The following ASIC4 variants were observed in gnomAD, a reference collection of about 807,000 sequenced individuals.
ASIC4 encodes acid sensing ion channel subunit family member 4, also known as acid-sensing ion channel 4.
In ASIC4, 28 loss-of-function variants were observed where a neutral mutation model predicts 53.4. The ratio of observed to expected loss-of-function variants is 0.52; its 90% confidence interval spans 0.39 to 0.72. The LOEUF (loss-of-function observed/expected upper bound fraction) is 0.72. Among genes scored for constraint, ASIC4 ranks in the 30% least tolerant of loss-of-function variants. The pLI is 0.00. For missense variants in ASIC4, 649 were observed against 729.7 expected, an observed-to-expected ratio of 0.89 and a Z score of 1.27; for synonymous variants, 289 against 301.4, an observed-to-expected ratio of 0.96 and a Z score of 0.43.
At chr2:219,511,441 T>C (rs1412816460), upstream of ASIC4, among the ~76,000 whole-genome samples, 1 of 147,840 alleles carries the variant, frequency 6.8e-6, no homozygotes, top group African/African-American at 2.5e-5. The surrounding 1 kb of genome is among the most constrained non-coding windows in gnomAD (Gnocchi z 5.3). Flanking sequence ...CCAGTCCATC[T>C]ACCACTCATT....
At position 219,519,149 on chromosome 2, in the gene ASIC4, C is replaced by T. The variant is rs1223116753; in HGVS notation, c.582+3843C>T. ...TCGATCTCCTGACCTCGTGATCCGC[C>T]CGCCTTGGCCTCCCAAAGTGCTGGG... On this transcript the variant is annotated intron_variant, in intron 1 of 9. Transcript: ENST00000358078. Among the ~76,000 whole-genome samples, 7 of 152,162 alleles carry T rather than the reference C, an allele frequency of 4.6e-5. 1 individual carries two copies. The highest frequency in any genetic ancestry group is 1.0e-4 in the Non-Finnish European group (7 of 68,036).
intron 1 of ASIC4, among the ~76,000 whole-genome samples, chr2:219,525,737 C>T (rs980406248): frequency 3.3e-5 from 5 of 152,200 alleles, no homozygotes; most frequent in Non-Finnish European, 1.5e-5. Context: ...AGCTGTTCCA[C>T]CCCAGGGTGC....
In ASIC4 at chr2:219,526,493, C is replaced by A. The variant is rs140568353; in HGVS notation, c.583-5265C>A. 6.8e-3 allele frequency among the ~76,000 whole-genome samples: 1,039 copies of A among 152,188 alleles called. 6 individuals are homozygous for A. Among genetic ancestry groups the A allele is most frequent in the Non-Finnish European group, 0.011 (732 of 68,004 alleles). ...CAAAAAGGTCAGGGGGCATCCAGGA[C>A]AATGGGAGAGAAAGAGGCCAAGGGG... is the stretch of plus-strand genomic sequence containing the variant. On this transcript the variant is annotated intron_variant, in intron 1 of 9. Transcript: ENST00000358078.
Position 219,517,038 on chromosome 2 carries a change from T to A in ASIC4, c.582+1732T>A, listed in dbSNP as rs1207205975. 1 of 152,240 alleles carries A rather than the reference T, an allele frequency of 6.6e-6. No homozygotes were observed. The highest frequency in any genetic ancestry group is 1.5e-5 in the Non-Finnish European group (1 of 68,112). 9.4% of individuals were successfully genotyped at this position (152,240 alleles called of 1,614,324 possible). The stretch of plus-strand genomic sequence containing the variant: ...GTATTGGGAGCTGGGCAGAGCTCAG[T>A]CTTAGCAGGTGCTGTTGGGACAGAA... On this transcript the variant is annotated intron_variant, in intron 1 of 9. Coordinates refer to ENST00000358078, the MANE Select transcript of ASIC4 (RefSeq NM_018674.6). The surrounding 1 kb of genome is among the most constrained non-coding windows in gnomAD (Gnocchi z 4.2).
intron 4 of ASIC4, 192 bp downstream of exon 4, chr2:219,532,669 C>T: frequency 1.2e-6 from 1 of 864,272 alleles, no homozygotes; most frequent in Non-Finnish European, 1.7e-6. Context: ...TGCCGGCATG[C>T]AGATGCCTGT....
chr2:219,535,683 C>T (rs34965338), intron 6 of ASIC4, among the ~76,000 whole-genome samples: 29,913 of 151,344 alleles, frequency 0.2, 3,520 homozygotes, highest in Non-Finnish European at 0.26. Context: ...CCTCAACAGG[C>T]GCTGGGCATG....
At chr2:219,511,694 G>C (rs1694703620), upstream of ASIC4, among the ~76,000 whole-genome samples, 2 of 151,726 alleles carry the variant, frequency 1.3e-5, no homozygotes, top group Non-Finnish European at 2.9e-5. The surrounding 1 kb of genome is among the most constrained non-coding windows in gnomAD (Gnocchi z 5.3). Flanking sequence ...ACTGCAAGGG[G>C]CAGCTGGTCC....
rs1409771892 is a variant in ASIC4, at chr2:219,537,971, G to A, written c.1545G>A (p.Gly515=). 2 of 1,612,670 alleles carry A rather than the reference G, an allele frequency of 1.2e-6. No individual in the cohort carries two copies. Among genetic ancestry groups the A allele is most frequent in the South Asian group, 2.2e-5 (2 of 90,730 alleles). Residue 515 remains glycine, a synonymous_variant, in exon 10 of 10, where the codon GGG becomes GGA. Coordinates refer to ENST00000358078, the MANE Select transcript of ASIC4 (RefSeq NM_018674.6). This position sits in a 1 kb window ranked among gnomAD's most constrained non-coding sequence, Gnocchi z 4.9. ...CPSRGRVEGG[G]VSSLLPNHHH... ...GCCGGGGCCGAGTGGAGGGTGGGGG[G>A]GTCAGCAGTCTGCTCCCCAATCACC...
In ASIC4 at chr2:219,537,276, G is replaced by A. The variant is rs146515175; in HGVS notation, c.1356G>A (p.Gly452=). ...DLGGQMGLFI[G]ASILTLLEIL... Reference sequence around the variant, plus strand: ...GGGGACAGATGGGCCTGTTCATTGGGGCCAGCATCCTCACGTTGCTGGAGA... The same window carrying A: ...GGGGACAGATGGGCCTGTTCATTGGAGCCAGCATCCTCACGTTGCTGGAGA... The change falls in exon 8 of 10, where the codon GGG becomes GGA. Residue 452 remains glycine, a synonymous_variant. Coordinates refer to ENST00000358078, the MANE Select transcript of ASIC4 (RefSeq NM_018674.6). This position sits in a 1 kb window ranked among gnomAD's most constrained non-coding sequence, Gnocchi z 4.9. 6.2e-5 allele frequency: 100 copies of A among 1,613,776 alleles called. No individual in the cohort carries two copies. Among genetic ancestry groups the A allele is most frequent in the Admixed American group, 1.8e-4 (11 of 59,958 alleles).
intron 1 of ASIC4, among the ~76,000 whole-genome samples, 198 bp from the exon 2 acceptor site, chr2:219,531,560 G>A (rs762889775): frequency 6.6e-6 from 1 of 152,310 alleles, no homozygotes; most frequent in African/African-American, 2.4e-5. Context: ...GGTTGGAGAT[G>A]CTTTCTAATC....
chr2:219,531,810 C>A lies in ASIC4; in HGVS notation c.635C>A (p.Ser212Ter). 1 of 1,613,492 alleles carries A rather than the reference C, an allele frequency of 6.2e-7. No homozygotes were observed. The highest frequency in any genetic ancestry group is 1.1e-5 in the South Asian group (1 of 90,960). ...ACCTTCAACGCGGACCCGCGGAGCT[C>A]GCTGCCCAGCCGGGCAGGGGGCATG... ...CYTFNADPRS[S>*]LPSRAGGMGS... Residue 212 changes from serine (S) to a stop codon, truncating the protein, a stop_gained, in exon 2 of 10, where the codon TCG (serine) becomes TAG (stop). Coordinates refer to ENST00000358078, the MANE Select transcript of ASIC4 (RefSeq NM_018674.6). LOFTEE classifies it high-confidence loss of function.
chr2:219,535,274 C>G lies in ASIC4; in HGVS notation c.1179C>G (p.Gly393=), dbSNP rs1001192475. The change falls in exon 6 of 10, where the codon GGC becomes GGG. Residue 393 remains glycine, a synonymous_variant. Coordinates refer to ENST00000358078, the MANE Select transcript of ASIC4 (RefSeq NM_018674.6). ...EISMVRIPNR[G]SARYLARKYN... ...CCATGGTCAGGATCCCCAACAGGGG[C>G]TCAGCCCGGTACCTGGCGAGGAAGT... is the stretch of plus-strand genomic sequence containing the variant. 5 of 1,613,706 alleles carry G rather than the reference C, an allele frequency of 3.1e-6. No individual in the cohort carries two copies. The highest frequency in any genetic ancestry group is 4.2e-6 in the Non-Finnish European group (5 of 1,179,940).
At chr2:219,520,806 G>A (rs1213581983) in intron 1 of ASIC4, among the ~76,000 whole-genome samples, 9 of 152,164 alleles carry the variant, frequency 5.9e-5, no homozygotes, top group Non-Finnish European at 4.4e-5. Flanking sequence ...GGTTGGGGTG[G>A]GGGGATACAG....
At chr2:219,515,375 C>T in intron 1 of ASIC4, 69 bp downstream of exon 1, 1 of 1,537,454 alleles carries the variant, frequency 6.5e-7, no homozygotes, top group African/African-American at 1.4e-5. Context: ...GGAGTGGTGG[C>T]AGTGGTGTAC....
In ASIC4 at chr2:219,522,816, G is replaced by C. The variant is rs575267127; in HGVS notation, c.582+7510G>C. Among the ~76,000 whole-genome samples the C allele has an allele frequency of 5.9e-5, 9 of 152,276 alleles. No homozygotes were observed. The East Asian group carries it at 1.7e-3, about 29-fold the overall frequency. ...CGCTGCTGTGTGCGGAGGTCACTTT[G>C]CCGAGGAGCCGGGAGCCGGGGGAAT... On this transcript the variant is annotated intron_variant, in intron 1 of 9. Coordinates refer to ENST00000358078, the MANE Select transcript of ASIC4 (RefSeq NM_018674.6).
chr2:219,525,051 A>ACATCTGAG (rs1293619977), intron 1 of ASIC4, among the ~76,000 whole-genome samples: 3 of 152,218 alleles, frequency 2.0e-5, no homozygotes, highest in African/African-American at 7.2e-5. Flanking sequence ...GTTTAATCAC[A>ACATCTGAG]CATCTGAGGT....
chr2:219,514,991 C>T lies in ASIC4; in HGVS notation c.267C>T (p.Ala89=). The part of the protein sequence containing the change: ...AAFLYQAAGL[A]RGYLTRPHLV... The stretch of plus-strand genomic sequence containing the variant: ...TCCTGTACCAGGCGGCTGGCCTGGC[C>T]CGGGGCTACCTGACCCGGCCTCACC... Residue 89 remains alanine, a synonymous_variant, in exon 1 of 10, where the codon GCC becomes GCT. Coordinates refer to ENST00000358078, the MANE Select transcript of ASIC4 (RefSeq NM_018674.6). The T allele has an allele frequency of 6.2e-7, 1 of 1,613,236 alleles. No homozygotes were observed. Among genetic ancestry groups the T allele is most frequent in the Non-Finnish European group, 8.5e-7 (1 of 1,179,832 alleles).
In ASIC4 at chr2:219,537,290, C is replaced by T. The variant is rs748196427; in HGVS notation, c.1370C>T (p.Thr457Met). The T allele has an allele frequency of 5.6e-6, 9 of 1,613,450 alleles. No individual in the cohort carries two copies. Among genetic ancestry groups the T allele is most frequent in the East Asian group, 2.2e-5 (1 of 44,876 alleles). The change falls in exon 8 of 10, where the codon ACG becomes ATG. Residue 457 changes from threonine (T) to methionine (M), a missense_variant. Transcript: ENST00000358078. The surrounding 1 kb of genome is among the most constrained non-coding windows in gnomAD (Gnocchi z 4.9). ...MGLFIGASIL[T>M]LLEILDYIYE... ...CTGTTCATTGGGGCCAGCATCCTCA[C>T]GTTGCTGGAGATCCTCGACTACATC...
chr2:219,527,959 G>A (rs1056827638), intron 1 of ASIC4, among the ~76,000 whole-genome samples: 1 of 152,222 alleles, frequency 6.6e-6, no homozygotes. Context: ...ACACCACAAC[G>A]GTGCCTGGCA....
Sources: gnomAD v4.1 joint callset for allele counts (sites outside exome capture counted in the v4.1 genomes callset) on GRCh38, gnomAD v4.1.1 for gene constraint, Gnocchi (gnomAD v3.1) non-coding constraint, MANE v1.5 for transcripts, NCBI Gene and HGNC (gene_info 2026-07-23, HGNC 2026-07-21) for gene names.